SLC24A2: variants seen among roughly 807,000 people sequenced by gnomAD.
SLC24A2 encodes solute carrier family 24 member 2.
SLC24A2 carries 36 observed loss-of-function variants against 62.0 expected under a neutral mutation model. That is an observed-to-expected ratio of 0.58 (90% CI 0.44 to 0.77). The LOEUF is 0.77. Among genes scored for constraint, SLC24A2 ranks in the 30% least tolerant of loss-of-function variants. SLC24A2 has a pLI of 0.00. For missense variants in SLC24A2, 846 were observed against 817.9 expected, an observed-to-expected ratio of 1.03 and a Z score of -0.42; for synonymous variants, 358 against 294.0, an observed-to-expected ratio of 1.22 and a Z score of -2.23.
At chr9:19,652,298 T>C (rs1818824521) in intron 2 of SLC24A2, among the ~76,000 whole-genome samples, 1 of 152,168 alleles carries the variant, frequency 6.6e-6, no homozygotes, top group Admixed American at 6.6e-5. Context: ...GTCTGTGTCC[T>C]GTCCTAACCC....
intron 2 of SLC24A2, among the ~76,000 whole-genome samples, 199 bp downstream of exon 2, chr9:19,785,738 T>C (rs1319650643): frequency 5.3e-5 from 8 of 152,198 alleles, no homozygotes; most frequent in Admixed American, 1.3e-4. Flanking sequence ...CTGAGGAACT[T>C]AGTAAACATC....
At chr9:19,566,506 T>G (rs1027166070) in intron 7 of SLC24A2, among the ~76,000 whole-genome samples, 7 of 151,602 alleles carry the variant, frequency 4.6e-5, no homozygotes, top group Admixed American at 6.6e-5. Context: ...ACTTTTACAC[T>G]GTTGGTGGGA....
At chr9:19,636,237 T>C (rs1309469832) in intron 2 of SLC24A2, among the ~76,000 whole-genome samples, 7 of 152,038 alleles carry the variant, frequency 4.6e-5, no homozygotes, top group Non-Finnish European at 7.4e-5. Flanking sequence ...ATACAAATAC[T>C]ATTTAGTGCT....
chr9:19,974,278 T>C, the SLC24A2 span, among the ~76,000 whole-genome samples: 1 of 152,188 alleles, frequency 6.6e-6, no homozygotes, highest in Non-Finnish European at 1.5e-5. Context: ...AGTACAGTGA[T>C]TTAACACTGC....
In SLC24A2 at chr9:19,679,269, A is replaced by G. The variant is rs185633348; in HGVS notation, c.931-56970T>C. Among the ~76,000 whole-genome samples, 21 of 152,260 alleles carry G rather than the reference A, an allele frequency of 1.4e-4. No individual in the cohort carries two copies. In the East Asian group the frequency reaches 3.5e-3, roughly 25 times the overall value. On this transcript the variant is annotated intron_variant, in intron 2 of 10. Transcript: ENST00000341998. ...TATTGGTTATCTCTAAGGATGCATA[A>G]AGGTTTATTTCTATTACTTCCTTGC...
chr9:19,956,565 G>A, the SLC24A2 span, among the ~76,000 whole-genome samples: 1 of 152,172 alleles, frequency 6.6e-6, no homozygotes, highest in Non-Finnish European at 1.5e-5. Flanking sequence ...CAATTGTGAT[G>A]GAAGGCAAGG....
chr9:19,829,962 T>C, the SLC24A2 span, among the ~76,000 whole-genome samples: 1 of 152,080 alleles, frequency 6.6e-6, no homozygotes, highest in South Asian at 2.1e-4. Context: ...TCTTTCTTTC[T>C]TTCTTTTTTG....
chr9:19,554,397 A>G (rs1453504304), intron 7 of SLC24A2, among the ~76,000 whole-genome samples: 1 of 152,222 alleles, frequency 6.6e-6, no homozygotes, highest in Non-Finnish European at 1.5e-5. Context: ...TTTAAAGGAT[A>G]TGGGAGGATA....
chr9:19,527,130 T>G (rs1207393938), intron 9 of SLC24A2, among the ~76,000 whole-genome samples: 2 of 152,222 alleles, frequency 1.3e-5, no homozygotes, highest in Non-Finnish European at 2.9e-5. Flanking sequence ...TATATTTCCT[T>G]ATTTCAAATT....
chr9:20,257,658 G>A, the SLC24A2 span, among the ~76,000 whole-genome samples: 2 of 152,276 alleles, frequency 1.3e-5, no homozygotes, highest in Admixed American at 6.5e-5. Context: ...TATTAACTAG[G>A]CCAGTTTCCT....
chr9:19,621,076 T>C (rs1464441521), intron 3 of SLC24A2, among the ~76,000 whole-genome samples: 1 of 152,198 alleles, frequency 6.6e-6, no homozygotes, highest in Non-Finnish European at 1.5e-5. Context: ...AAGAAATCTG[T>C]TTAACTTGAT....
At chr9:19,877,940 G>A in the SLC24A2 span, among the ~76,000 whole-genome samples, 1 of 152,052 alleles carries the variant, frequency 6.6e-6, no homozygotes, top group Non-Finnish European at 1.5e-5. Flanking sequence ...ATTTATGTAT[G>A]TGCTTATTTA....
the SLC24A2 span, among the ~76,000 whole-genome samples, chr9:19,972,430 G>A: frequency 9.2e-5 from 14 of 152,290 alleles, no homozygotes; most frequent in Non-Finnish European, 1.5e-4. Flanking sequence ...GTGCCAGGCA[G>A]TTTTGTAAGC....
the SLC24A2 span, among the ~76,000 whole-genome samples, chr9:20,029,208 G>C: frequency 6.6e-6 from 1 of 152,204 alleles, no homozygotes; most frequent in African/African-American, 2.4e-5. Context: ...TGAGCACTGT[G>C]GTTATGATAC....
chr9:19,887,730 T>C, the SLC24A2 span, among the ~76,000 whole-genome samples: 5 of 152,156 alleles, frequency 3.3e-5, no homozygotes, highest in African/African-American at 4.8e-5. Flanking sequence ...GAAGTCATTA[T>C]ACGAAAAATA....
chr9:20,159,531 G>C, the SLC24A2 span, among the ~76,000 whole-genome samples: 12 of 151,508 alleles, frequency 7.9e-5, no homozygotes, highest in African/African-American at 2.9e-4. Flanking sequence ...ATTTGATTGC[G>C]GTAAATGATA....
At chr9:19,850,958 T>C in the SLC24A2 span, among the ~76,000 whole-genome samples, 31 of 26,038 alleles carry the variant, frequency 1.2e-3, no homozygotes, top group African/African-American at 2.5e-3. Flanking sequence ...TATATATATA[T>C]ATATATATGT....
chr9:19,765,690 T>C (rs1011745412), intron 2 of SLC24A2, among the ~76,000 whole-genome samples: 1 of 152,240 alleles, frequency 6.6e-6, no homozygotes, highest in Non-Finnish European at 1.5e-5. Flanking sequence ...GGCTTCCCTT[T>C]GTGGGGAATC....
At position 19,573,332 on chromosome 9, in the gene SLC24A2, C is replaced by A. The variant is rs1357352488; in HGVS notation, c.1347+19G>T. 3.4e-6 allele frequency: 5 copies of A among 1,473,074 alleles called. No individual in the cohort carries two copies. Among genetic ancestry groups the A allele is most frequent in the Non-Finnish European group, 4.8e-6 (5 of 1,051,630 alleles). 91.3% of individuals were successfully genotyped at this position (1,473,074 alleles called of 1,614,324 possible). ...AGTTAAGAACAACAGCCCAGAAGAG[C>A]AATGGAGAAAAGCCATACCTGGGCT... On this transcript the variant is annotated intron_variant, in intron 7 of 10. Transcript: ENST00000341998.
Sources: gnomAD v4.1 joint callset for allele counts (sites outside exome capture counted in the v4.1 genomes callset) on GRCh38, gnomAD v4.1.1 for gene constraint, MANE v1.5 for transcripts, NCBI Gene and HGNC (gene_info 2026-07-23, HGNC 2026-07-21) for gene names.